Variants in WDR72 observed in about 807,000 individuals in gnomAD.
WDR72 encodes WD repeat domain 72, also known as WD repeat-containing protein 72.
In WDR72, 120 loss-of-function variants were observed where a neutral mutation model predicts 124.2. That is an observed-to-expected ratio of 0.97 (90% CI 0.83 to 1.12). The LOEUF is 1.12. WDR72 is among the 50% of genes most tolerant of loss of function. The pLI is 0.00. For synonymous variants in WDR72, 452 were observed against 441.7 expected, an observed-to-expected ratio of 1.02 and a Z score of -0.29; for missense variants, 1,387 against 1,278.8, an observed-to-expected ratio of 1.08 and a Z score of -1.29.
At chr15:53,627,137 A>G (rs1566991670) in intron 14 of WDR72, among the ~76,000 whole-genome samples, 1 of 152,228 alleles carries the variant, frequency 6.6e-6, no homozygotes, top group East Asian at 1.9e-4. Flanking sequence ...AAATAGCCCA[A>G]CCAAGATTCC....
intron 18 of WDR72, among the ~76,000 whole-genome samples, chr15:53,552,219 G>A (rs1893760367): frequency 6.6e-6 from 1 of 151,904 alleles, no homozygotes; most frequent in Non-Finnish European, 1.5e-5. Flanking sequence ...ATTTCATAGT[G>A]GTGACAAAGC....
chr15:53,615,820 T>C lies in WDR72; in HGVS notation c.2386A>G (p.Lys796Glu). 3 of 1,613,630 alleles carry C rather than the reference T, an allele frequency of 1.9e-6. No homozygotes were observed. Among genetic ancestry groups the C allele is most frequent in the Non-Finnish European group, 1.7e-6 (2 of 1,179,664 alleles). Residue 796 changes from lysine (K) to glutamate (E), a missense_variant, in exon 15 of 20, where the codon AAA (lysine) becomes GAA (glutamate). Lys to Glu is a moderately conservative substitution (Grantham distance 56, BLOSUM62 1). Transcript: ENST00000360509. ...VDASLTIDTA[K>E]LFLSCLLPWG... ...GGCAAAAGGCAAGACAGAAACAATT[T>C]TGCTGTGTCTATTGTGAGACTGGCA...
chr15:53,702,618 A>G (rs530226395), intron 11 of WDR72, among the ~76,000 whole-genome samples: 29 of 152,248 alleles, frequency 1.9e-4, no homozygotes, highest in Admixed American at 1.0e-3. Context: ...CATGCCTGTA[A>G]TATCAGCAGT....
At chr15:53,747,982 C>CT (rs10625145) in intron 1 of WDR72, among the ~76,000 whole-genome samples, 45,421 of 147,856 alleles carry the variant, frequency 0.31, 7,868 homozygotes, top group African/African-American at 0.49. Context: ...CAGTGAAAAT[C>CT]TTTTTTTTTT....
intron 19 of WDR72, among the ~76,000 whole-genome samples, chr15:53,522,433 C>T (rs1247470025): frequency 6.6e-6 from 1 of 152,002 alleles, no homozygotes; most frequent in Non-Finnish European, 1.5e-5. Flanking sequence ...AGATATTTAA[C>T]TCTTTCATTC....
intron 18 of WDR72, among the ~76,000 whole-genome samples, chr15:53,543,838 A>G (rs1893298824): frequency 6.6e-6 from 1 of 152,202 alleles, no homozygotes; most frequent in African/African-American, 2.4e-5. Context: ...CAGAAATACA[A>G]ACTACCATCA....
At chr15:53,715,390 A>G (rs1164990204) in intron 4 of WDR72, 23 bp from the exon 5 acceptor site, 2 of 1,613,702 alleles carry the variant, frequency 1.2e-6, no homozygotes, top group African/African-American at 2.7e-5. Flanking sequence ...AAAGCAAAGC[A>G]AACATTTAAT....
At chr15:53,725,680 A>G (rs1291306891) in intron 2 of WDR72, among the ~76,000 whole-genome samples, 1 of 152,236 alleles carries the variant, frequency 6.6e-6, no homozygotes, top group Non-Finnish European at 1.5e-5. Flanking sequence ...GATGTGTATT[A>G]CCATATGAAA....
At chr15:53,596,613 G>A (rs1334769089) in intron 18 of WDR72, among the ~76,000 whole-genome samples, 1 of 152,102 alleles carries the variant, frequency 6.6e-6, no homozygotes. Flanking sequence ...AGCTATTGCT[G>A]TTACTTCTGC....
intron 9 of WDR72, among the ~76,000 whole-genome samples, chr15:53,706,332 G>GTT (rs1491517831): frequency 1.8e-4 from 6 of 33,346 alleles, no homozygotes; most frequent in African/African-American, 6.1e-4. Context: ...TTATATGTGC[G>GTT]TGTGTGTGTG....
At chr15:53,545,694 C>A (rs12909133) in intron 18 of WDR72, among the ~76,000 whole-genome samples, 57,900 of 112,512 alleles carry the variant, frequency 0.51, 17,490 homozygotes, top group Admixed American at 0.6. Flanking sequence ...GCTTCTGCAC[C>A]GCAAAAGAAA....
intron 18 of WDR72, among the ~76,000 whole-genome samples, chr15:53,584,440 T>G (rs537725740): frequency 9.2e-5 from 14 of 152,040 alleles, no homozygotes; most frequent in African/African-American, 2.9e-4. Flanking sequence ...TCTTACTCCA[T>G]GTAGGACATG....
Position 53,722,841 on chromosome 15 carries a change from A to T in WDR72, c.221T>A (p.Phe74Tyr). The change falls in exon 3 of 20, where the codon TTC becomes TAC. Residue 74 changes from phenylalanine to tyrosine, a missense_variant. Physicochemically the swap from Phe to Tyr is conservative, Grantham distance 22. Transcript: ENST00000360509. ...SVTCLARARDFSKQPYIVSAA... is the reference protein window; with the variant it reads ...SVTCLARARDYSKQPYIVSAA... ...ACTAACAATGTAGGGCTGTTTAGAGAAGTCCCTTGCTCTTGCCAAACATGT... is the reference window on the plus strand; with the variant it reads ...ACTAACAATGTAGGGCTGTTTAGAGTAGTCCCTTGCTCTTGCCAAACATGT... 6.2e-7 allele frequency: 1 copy of T among 1,612,936 alleles called. No individual in the cohort carries two copies. The highest frequency in any genetic ancestry group is 8.5e-7 in the Non-Finnish European group (1 of 1,180,002).
intron 14 of WDR72, among the ~76,000 whole-genome samples, chr15:53,625,798 CAAA>C (rs5812699): frequency 1.4e-5 from 2 of 139,576 alleles, no homozygotes; most frequent in African/African-American, 2.6e-5. Context: ...ACTGTTCAGA[CAAA>C]AAAAAAAAAA....
At chr15:53,722,991 G>T in intron 2 of WDR72, 83 bp from the exon 3 acceptor site, 1 of 1,302,968 alleles carries the variant, frequency 7.7e-7, no homozygotes, top group Non-Finnish European at 1.1e-6. Context: ...TCATAACTCT[G>T]ATTAGGAAAT....
At chr15:53,540,518 TA>T (rs1204565409) in intron 18 of WDR72, among the ~76,000 whole-genome samples, 5 of 100,540 alleles carry the variant, frequency 5.0e-5, no homozygotes, top group Non-Finnish European at 1.1e-4. Context: ...CTGTAGAACT[TA>T]AAAAAATTGT....
At chr15:53,744,919 C>G (rs977458142) in intron 1 of WDR72, among the ~76,000 whole-genome samples, 1 of 151,826 alleles carries the variant, frequency 6.6e-6, no homozygotes, top group Non-Finnish European at 1.5e-5. Flanking sequence ...CAGTTCCTCT[C>G]TTCATGTTCT....
chr15:53,697,322 C>G (rs1299027684), intron 13 of WDR72, among the ~76,000 whole-genome samples: 1 of 152,144 alleles, frequency 6.6e-6, no homozygotes, highest in Non-Finnish European at 1.5e-5. Context: ...ATGCCCAGAA[C>G]TGAATGCCCT....
chr15:53,655,925 T>TCA (rs2015406500), intron 14 of WDR72, among the ~76,000 whole-genome samples: 1 of 152,198 alleles, frequency 6.6e-6, no homozygotes, highest in African/African-American at 2.4e-5. Context: ...ACTCCTGACC[T>TCA]TGTGATCCAC....
Sources: allele counts gnomAD v4.1 joint callset (sites outside exome capture counted in the v4.1 genomes callset), GRCh38; gene constraint gnomAD v4.1.1; transcripts MANE v1.5; gene names NCBI Gene and HGNC (gene_info 2026-07-23, HGNC 2026-07-21).